Variants in ASIC2 observed in about 807,000 individuals in gnomAD.
ASIC2 encodes acid-sensing ion channel 2.
In ASIC2, 25 loss-of-function variants were observed where a neutral mutation model predicts 57.3. The ratio of observed to expected loss-of-function variants is 0.44; its 90% confidence interval spans 0.32 to 0.61. ASIC2 has a LOEUF of 0.61. Ranked by LOEUF, ASIC2 falls within the 20% of genes least tolerant of loss-of-function variation. The probability of loss-of-function intolerance (pLI) is 0.06; values close to 1 mark genes in which losing one functional copy is unlikely to be tolerated. For synonymous variants in ASIC2, 319 were observed against 307.5 expected (o/e 1.04, Z -0.39); for missense variants, 641 against 738.1 (o/e 0.87, Z 1.52).
At chr17:34,030,363 G>A (rs550615519) in intron 1 of ASIC2, among the ~76,000 whole-genome samples, 16 of 152,212 alleles carry the variant, frequency 1.1e-4, no homozygotes, top group African/African-American at 2.2e-4. Context: ...AACACCATCC[G>A]AATGTTTGAG....
Position 33,515,907 on chromosome 17 carries a change from G to T in ASIC2, c.556-403840C>A, listed in dbSNP as rs536344420. 4.6e-5 allele frequency among the ~76,000 whole-genome samples: 7 copies of T among 152,058 alleles called. 1 individual carries two copies. In the South Asian group the frequency reaches 1.4e-3, roughly 31 times the overall value. On this transcript the variant is annotated intron_variant, in intron 1 of 9. Coordinates refer to the ASIC2 transcript ENST00000359872. ...CCTCAGAAGTTTGAGACCAGCCTGG[G>T]CAACATGGCAAAACCCGGTCTCTAA... is the stretch of plus-strand genomic sequence containing the variant.
intron 1 of ASIC2, among the ~76,000 whole-genome samples, chr17:33,730,265 CT>C (rs1356606550): frequency 1.3e-5 from 2 of 152,086 alleles, no homozygotes; most frequent in Admixed American, 6.5e-5. Context: ...GGACTCCTGC[CT>C]TTGATTCTGA....
intron 1 of ASIC2, among the ~76,000 whole-genome samples, chr17:33,374,354 C>G (rs1394944875): frequency 6.6e-6 from 1 of 152,112 alleles, no homozygotes; most frequent in Non-Finnish European, 1.5e-5. Context: ...CTCATCTAGA[C>G]CGGTGACTCA....
intron 1 of ASIC2, among the ~76,000 whole-genome samples, chr17:33,318,225 C>T (rs1293394780): frequency 2.6e-5 from 4 of 152,120 alleles, no homozygotes; most frequent in South Asian, 2.1e-4. Context: ...CAGACATGCT[C>T]TTTGGGTTTC....
At chr17:33,029,272 C>T (rs1296735741) in intron 3 of ASIC2, among the ~76,000 whole-genome samples, 1 of 152,184 alleles carries the variant, frequency 6.6e-6, no homozygotes, top group African/African-American at 2.4e-5. Context: ...CGTTTCTGTC[C>T]CTGTCCAATC....
chr17:33,166,757 T>C (rs1905320681), intron 1 of ASIC2, among the ~76,000 whole-genome samples: 1 of 152,234 alleles, frequency 6.6e-6, no homozygotes, highest in Non-Finnish European at 1.5e-5. Context: ...CCGCTCCCAC[T>C]GCACTGCAGG....
At position 33,943,692 on chromosome 17, in the gene ASIC2, TAA is replaced by T. The variant is rs3071252; in HGVS notation, c.555+212284_555+212285del. Among the ~76,000 whole-genome samples, 1,022 of 119,742 alleles carry T rather than the reference TAA, an allele frequency of 8.5e-3. 17 individuals are homozygous for T. Among genetic ancestry groups the T allele is most frequent in the South Asian group, 0.074 (280 of 3,776 alleles). 78.6% of individuals were successfully genotyped at this position (119,742 alleles called of 152,430 possible). On this transcript the variant is annotated intron_variant, in intron 1 of 9. Coordinates refer to the ASIC2 transcript ENST00000359872. ...GCCAACATTCATTGAATGATAATAG[TAA>T]AAAAAAAAAAAAAAAAAATGGAGAA...
intron 1 of ASIC2, among the ~76,000 whole-genome samples, chr17:33,391,013 A>T (rs534186008): frequency 1.5e-3 from 222 of 152,356 alleles, no homozygotes; most frequent in Middle Eastern, 3.4e-3. Context: ...CAGCTGGCAG[A>T]CAGAGAAAGA....
chr17:33,971,387 G>C (rs751213503), intron 1 of ASIC2, among the ~76,000 whole-genome samples: 1 of 152,122 alleles, frequency 6.6e-6, no homozygotes, highest in Non-Finnish European at 1.5e-5. Flanking sequence ...GAAGAGCAAC[G>C]GCAAGTCTAA....
In ASIC2 at chr17:33,151,207, A is replaced by G. The variant is rs148040974; in HGVS notation, c.709-39140T>C. On this transcript the variant is annotated intron_variant, in intron 1 of 9. Coordinates refer to ENST00000225823, the MANE Select transcript of ASIC2 (RefSeq NM_183377.2). ...CACACACACACACACACACGCGCGC[A>G]CACACACACACACACAATTAGCCAG... Among the ~76,000 whole-genome samples, 557 of 136,806 alleles carry G rather than the reference A, an allele frequency of 4.1e-3. 3 individuals carry two copies. The highest frequency in any genetic ancestry group is 6.7e-3 in the Non-Finnish European group (418 of 62,018). 89.8% of individuals were successfully genotyped at this position (136,806 alleles called of 152,430 possible).
chr17:33,990,585 A>C (rs1905970449), intron 1 of ASIC2, among the ~76,000 whole-genome samples: 1 of 152,210 alleles, frequency 6.6e-6, no homozygotes, highest in African/African-American at 2.4e-5. Context: ...CAAGGAGCAC[A>C]ACTCAATTTA....
At chr17:33,291,162 T>C in intron 1 of ASIC2, 3 of 727,920 alleles carry the variant, frequency 4.1e-6, no homozygotes, top group Non-Finnish European at 4.1e-6. Flanking sequence ...GGGCTGACAC[T>C]GGAAGGAGGG....
intron 1 of ASIC2, among the ~76,000 whole-genome samples, chr17:33,449,495 TC>T (rs1274010815): frequency 6.6e-6 from 1 of 152,184 alleles, no homozygotes; most frequent in Non-Finnish European, 1.5e-5. Context: ...TCAAGGGACC[TC>T]ATTCCTGTTC....
intron 1 of ASIC2, among the ~76,000 whole-genome samples, chr17:33,211,225 G>A (rs1313693279): frequency 6.6e-6 from 1 of 152,118 alleles, no homozygotes; most frequent in Non-Finnish European, 1.5e-5. Context: ...TTAGTAGAGG[G>A]ATGAGGCTGA....
intron 1 of ASIC2, among the ~76,000 whole-genome samples, chr17:33,445,960 A>G (rs1042942577): frequency 7.9e-5 from 12 of 151,822 alleles, no homozygotes; most frequent in African/African-American, 2.9e-4. Flanking sequence ...TAAACCACCT[A>G]TTTAGACCCT....
Position 33,024,462 on chromosome 17 carries a change from G to C in ASIC2, c.1196-448C>G, listed in dbSNP as rs538226609. Among the ~76,000 whole-genome samples the C allele has an allele frequency of 5.9e-5, 9 of 152,322 alleles. No homozygotes were observed. In the East Asian group the frequency reaches 1.5e-3, roughly 26 times the overall value. ...CCCACCTTCTCTGCCTGGTGGGTTA[G>C]GATGCAGGCAAAGTTCCTTCATTTC... On this transcript the variant is annotated intron_variant, in intron 5 of 9. Transcript: ENST00000225823.
Position 33,758,485 on chromosome 17 carries a change from T to A in ASIC2, c.555+397493A>T, listed in dbSNP as rs978375829. Among the ~76,000 whole-genome samples the A allele has an allele frequency of 1.4e-4, 21 of 152,192 alleles. 1 individual carries two copies. Among genetic ancestry groups the A allele is most frequent in the Admixed American group, 1.1e-3 (17 of 15,276 alleles). On this transcript the variant is annotated intron_variant, in intron 1 of 9. Coordinates refer to the ASIC2 transcript ENST00000359872. ...GCTACTGTTTGCTATGGTTTGAACG[T>A]TTGTCCCCTCCAAAACTCATGTTAA...
At chr17:33,852,696 AAGGACACT>A (rs1301737993) in intron 1 of ASIC2, among the ~76,000 whole-genome samples, 19 of 152,310 alleles carry the variant, frequency 1.2e-4, no homozygotes, top group African/African-American at 4.6e-4. Flanking sequence ...ACCTCTTGAT[AAGGACACT>A]GTTTCTCCAA....
chr17:33,455,934 G>T (rs1326098069), intron 1 of ASIC2, among the ~76,000 whole-genome samples: 3 of 152,154 alleles, frequency 2.0e-5, no homozygotes, highest in African/African-American at 7.2e-5. Flanking sequence ...TTGTCCAATG[G>T]TGTCATTTTT....
Sources: gnomAD v4.1 joint callset for allele counts (sites outside exome capture counted in the v4.1 genomes callset) on GRCh38, gnomAD v4.1.1 for gene constraint, MANE v1.5 for transcripts, NCBI Gene and HGNC (gene_info 2026-07-23, HGNC 2026-07-21) for gene names.